ADAM23: variants seen among roughly 807,000 people sequenced by gnomAD.
ADAM23 encodes ADAM metallopeptidase domain 23, also known as disintegrin and metalloproteinase domain-containing protein 23.
A neutral mutation model predicts 120.1 loss-of-function variants in ADAM23; 33 were observed. That is an observed-to-expected ratio of 0.27 (90% CI 0.21 to 0.37). ADAM23 has a LOEUF of 0.37. Ranked by LOEUF, ADAM23 falls within the 10% of genes least tolerant of loss-of-function variation. ADAM23 has a pLI of 1.00. For synonymous variants in ADAM23, 367 were observed against 375.2 expected (o/e 0.98, Z 0.25); for missense variants, 862 against 1,058.2 (o/e 0.81, Z 2.57).
chr2:206,506,629 A>G (rs1270608972), intron 3 of ADAM23, among the ~76,000 whole-genome samples: 1 of 152,178 alleles, frequency 6.6e-6, no homozygotes, highest in Non-Finnish European at 1.5e-5. Context: ...CTGTATTTCC[A>G]TATTGAGGTA....
intron 1 of ADAM23, 101 bp downstream of exon 1, chr2:206,444,181 T>C (rs1695026012): frequency 3.1e-6 from 3 of 982,576 alleles, no homozygotes; most frequent in East Asian, 3.4e-5. Context: ...TGTCCCCGGC[T>C]CGGCCTTTCC....
At position 206,548,458 on chromosome 2, in the gene ADAM23, G is replaced by C. The variant is rs1697446049; in HGVS notation, c.867+104G>C. ...GTACCTAAAACAGTTCAGATTTTGGGGACTGTTGTTTAAAAATGAAAACAA... is the reference window on the plus strand; with the variant it reads ...GTACCTAAAACAGTTCAGATTTTGGCGACTGTTGTTTAAAAATGAAAACAA... On this transcript the variant is annotated intron_variant, in intron 8 of 25. Coordinates refer to ENST00000264377, the MANE Select transcript of ADAM23 (RefSeq NM_003812.4). 2.7e-6 allele frequency: 3 copies of C among 1,105,158 alleles called. No individual in the cohort carries two copies. In the South Asian group the frequency reaches 4.8e-5, roughly 18 times the overall value. 68.5% of individuals were successfully genotyped at this position (1,105,158 alleles called of 1,614,324 possible).
intron 25 of ADAM23, among the ~76,000 whole-genome samples, chr2:206,616,250 C>T (rs554475409): frequency 2.4e-4 from 37 of 152,288 alleles, no homozygotes; most frequent in Non-Finnish European, 4.3e-4. Context: ...TTTGGTTTCA[C>T]ATTGGTTTCT....
intron 3 of ADAM23, among the ~76,000 whole-genome samples, chr2:206,511,526 C>G (rs1166505567): frequency 2.6e-5 from 4 of 152,294 alleles, no homozygotes; most frequent in African/African-American, 9.6e-5. Context: ...CTTCACCAGT[C>G]TGTTGTTCTC....
intron 14 of ADAM23, among the ~76,000 whole-genome samples, chr2:206,565,434 G>A (rs999520868): frequency 1.3e-5 from 2 of 152,076 alleles, no homozygotes; most frequent in Admixed American, 1.3e-4. Context: ...ACATTTTAAG[G>A]AACTCGTAAA....
intron 3 of ADAM23, among the ~76,000 whole-genome samples, chr2:206,496,310 C>G (rs1426160692): frequency 6.6e-6 from 1 of 152,092 alleles, no homozygotes; most frequent in Non-Finnish European, 1.5e-5. Flanking sequence ...TCTCTCAGAC[C>G]ACAGTGCAAT....
rs535353033 is a variant in ADAM23, at chr2:206,501,623, TA to T, written c.509+20317del. On this transcript the variant is annotated intron_variant, in intron 3 of 25. Transcript: ENST00000264377. ...TGAAAAATACTATATTTTAAGCACA[TA>T]AGAAGCTATTTATAGTTTCTTCCTG... 4.9e-3 allele frequency among the ~76,000 whole-genome samples: 718 copies of T among 146,434 alleles called. 12 individuals carry two copies. Among genetic ancestry groups the T allele is most frequent in the African/African-American group, 0.019 (684 of 36,054 alleles).
chr2:206,528,370 G>T (rs2105795935), intron 3 of ADAM23, among the ~76,000 whole-genome samples: 1 of 152,314 alleles, frequency 6.6e-6, no homozygotes, highest in South Asian at 2.1e-4. Context: ...TACTATCTGA[G>T]ATTTTTAAAA....
intron 24 of ADAM23, among the ~76,000 whole-genome samples, chr2:206,608,621 G>C (rs1358062435): frequency 6.6e-6 from 1 of 151,800 alleles, no homozygotes; most frequent in African/African-American, 2.4e-5. Context: ...TCGTTCTCTA[G>C]ACGGTCAGTG....
Position 206,596,899 on chromosome 2 carries a change from C to CTT in ADAM23, c.2359+762_2359+763dup, listed in dbSNP as rs144070768. 1.7e-3 allele frequency among the ~76,000 whole-genome samples: 140 copies of CTT among 82,974 alleles called. 4 individuals are homozygous for CTT. The highest frequency in any genetic ancestry group is 6.2e-3 in the African/African-American group (125 of 20,038). The allele number at this position is 82,974 out of a possible 152,430, so 54.4% of individuals were successfully genotyped here. ...GTTCTCTTCCCATCCATTATATCATCTTTTTTTTTTTTTTTTTTTTTTTTT... is the reference window on the plus strand; with the variant it reads ...GTTCTCTTCCCATCCATTATATCATCTTTTTTTTTTTTTTTTTTTTTTTTTTT... On this transcript the variant is annotated intron_variant, in intron 24 of 25. Coordinates refer to ENST00000264377, the MANE Select transcript of ADAM23 (RefSeq NM_003812.4).
chr2:206,587,095 C>T (rs1698337339), intron 18 of ADAM23, among the ~76,000 whole-genome samples: 1 of 152,150 alleles, frequency 6.6e-6, no homozygotes, highest in Non-Finnish European at 1.5e-5. Flanking sequence ...GTCCATCTCA[C>T]CATAAACAGA....
At chr2:206,480,186 A>G (rs1695866043) in intron 2 of ADAM23, among the ~76,000 whole-genome samples, 1 of 152,134 alleles carries the variant, frequency 6.6e-6, no homozygotes, top group Non-Finnish European at 1.5e-5. Context: ...CATGAAAAGC[A>G]TTGCAGGTGG....
At chr2:206,520,126 A>T (rs1316635561) in intron 3 of ADAM23, among the ~76,000 whole-genome samples, 1 of 152,322 alleles carries the variant, frequency 6.6e-6, no homozygotes, top group African/African-American at 2.4e-5. Flanking sequence ...TAGTACAGAG[A>T]AATCAAGGGT....
chr2:206,528,331 A>G (rs1696982800), intron 3 of ADAM23, among the ~76,000 whole-genome samples: 1 of 152,248 alleles, frequency 6.6e-6, no homozygotes. Flanking sequence ...TTCCCCATGT[A>G]TACAGAGTTC....
intron 10 of ADAM23, 112 bp from the exon 11 acceptor site, chr2:206,559,843 C>A: frequency 1.2e-6 from 1 of 847,476 alleles, no homozygotes; most frequent in Non-Finnish European, 1.8e-6. Flanking sequence ...CTAATTATGA[C>A]CCCGTGTTCT....
At chr2:206,452,072 C>T (rs17210341) in intron 2 of ADAM23, among the ~76,000 whole-genome samples, 7,207 of 152,232 alleles carry the variant, frequency 0.047, 265 homozygotes, top group Non-Finnish European at 0.071. Flanking sequence ...ATTGGGCTTA[C>T]GGCCCTGGAT....
At chr2:206,468,784 A>C (rs1386077802) in intron 2 of ADAM23, among the ~76,000 whole-genome samples, 1 of 152,196 alleles carries the variant, frequency 6.6e-6, no homozygotes, top group Non-Finnish European at 1.5e-5. Flanking sequence ...AATACCTGAG[A>C]CTGTTAATTG....
At chr2:206,593,131 C>G (rs1698458028) in intron 22 of ADAM23, among the ~76,000 whole-genome samples, 1 of 152,080 alleles carries the variant, frequency 6.6e-6, no homozygotes, top group Non-Finnish European at 1.5e-5. Flanking sequence ...AAGTGTATGT[C>G]TGGTTTGGAA....
chr2:206,491,432 G>A (rs929531343), intron 3 of ADAM23, among the ~76,000 whole-genome samples: 13 of 152,132 alleles, frequency 8.5e-5, no homozygotes, highest in African/African-American at 3.1e-4. Context: ...TCTTACCTAG[G>A]ATATAAAAGA....
Sources: allele counts gnomAD v4.1 joint callset (sites outside exome capture counted in the v4.1 genomes callset), GRCh38; gene constraint gnomAD v4.1.1; transcripts MANE v1.5; gene names NCBI Gene and HGNC (gene_info 2026-07-23, HGNC 2026-07-21).